RNF125: variants seen among roughly 807,000 people sequenced by gnomAD.
RNF125 encodes ring finger protein 125, also known as E3 ubiquitin-protein ligase RNF125.
RNF125 carries 21 observed loss-of-function variants against 26.0 expected under a neutral mutation model. The ratio of observed to expected loss-of-function variants is 0.81; its 90% CI spans 0.57 to 1.16. The LOEUF (loss-of-function observed/expected upper bound fraction) is 1.16, where lower values mean the gene tolerates loss of function less well. Ranked by LOEUF, RNF125 falls within the 50% of genes most tolerant of loss-of-function variation. RNF125 has a pLI of 0.00. For synonymous variants in RNF125, 95 were observed against 109.2 expected (o/e 0.87, Z 0.81); for missense variants, 270 against 299.4 (o/e 0.90, Z 0.72).
In RNF125 at chr18:32,018,968, C is replaced by T. The variant is rs917001579; in HGVS notation, c.105C>T (p.Phe35=). Residue 35 remains phenylalanine, a synonymous_variant, in exon 1 of 6, where the codon TTC becomes TTT. Transcript: ENST00000217740. The part of the protein sequence containing the change: ...RRDPELPVTS[F]DCAVCLEVLH... ...ACCCGGAGTTGCCCGTCACGTCCTTCGACTGCGCCGTGTGCCTTGAGGTGT... is the reference window on the plus strand; with the variant it reads ...ACCCGGAGTTGCCCGTCACGTCCTTTGACTGCGCCGTGTGCCTTGAGGTGT... 1 of 1,613,822 alleles carries T rather than the reference C, an allele frequency of 6.2e-7. No individual in the cohort carries two copies. The highest frequency in any genetic ancestry group is 8.5e-7 in the Non-Finnish European group (1 of 1,179,892).
At chr18:32,054,862 G>A (rs1470700933) in intron 4 of RNF125, among the ~76,000 whole-genome samples, 2 of 152,070 alleles carry the variant, frequency 1.3e-5, no homozygotes, top group Non-Finnish European at 2.9e-5. Context: ...CTTGCCCTAG[G>A]ATCCTTTATT....
downstream of RNF125, chr18:32,076,000 A>T: frequency 1.0e-6 from 1 of 993,028 alleles, no homozygotes; most frequent in Non-Finnish European, 1.6e-6. Context: ...GGATGGGAGC[A>T]GATTATTCTG....
chr18:32,075,280 A>G (rs1040918979), downstream of RNF125, among the ~76,000 whole-genome samples: 2 of 152,104 alleles, frequency 1.3e-5, no homozygotes, highest in Admixed American at 6.6e-5. Context: ...TTTCTTAGCC[A>G]GTTGTGGTGG....
intron 1 of RNF125, among the ~76,000 whole-genome samples, chr18:32,027,927 A>AG (rs1039952803): frequency 1.3e-5 from 2 of 151,958 alleles, no homozygotes; most frequent in Non-Finnish European, 2.9e-5. Context: ...AAGTTATAAG[A>AG]GGGAAAAAAA....
chr18:32,079,591 T>C, the RNF125 span, among the ~76,000 whole-genome samples: 1 of 152,240 alleles, frequency 6.6e-6, no homozygotes, highest in Non-Finnish European at 1.5e-5. Context: ...AACAGTGTCA[T>C]GCATCTCTGT....
chr18:32,045,243 A>G (rs2006768), intron 3 of RNF125, among the ~76,000 whole-genome samples: 54,694 of 151,950 alleles, frequency 0.36, 9,937 homozygotes, highest in South Asian at 0.43. Context: ...TCCACTGGGC[A>G]CTTGAAATGT....
chr18:32,069,496 A>C lies in RNF125; in HGVS notation c.*1112A>C. 1 of 152,142 alleles carries C rather than the reference A, an allele frequency of 6.6e-6. No individual in the cohort carries two copies. Among genetic ancestry groups the C allele is most frequent in the East Asian group, 1.9e-4 (1 of 5,204 alleles). 9.4% of individuals were successfully genotyped at this position (152,142 alleles called of 1,614,324 possible). Reference sequence around the variant, plus strand: ...GATTGTAACATTTTAAAAATTATGAAATAAAAGTACTGAAAACCAGACACA... The same window carrying C: ...GATTGTAACATTTTAAAAATTATGACATAAAAGTACTGAAAACCAGACACA... On this transcript the variant is annotated 3_prime_UTR_variant, in exon 6 of 6. Transcript: ENST00000217740.
At chr18:32,056,640 A>AT (rs2039386932) in intron 4 of RNF125, among the ~76,000 whole-genome samples, 1 of 143,400 alleles carries the variant, frequency 7.0e-6, no homozygotes, top group East Asian at 2.0e-4. Context: ...AAAAAAAAAA[A>AT]GACAATTATA....
At chr18:32,046,482 A>G (rs1275915563) in intron 4 of RNF125, among the ~76,000 whole-genome samples, 1 of 151,374 alleles carries the variant, frequency 6.6e-6, no homozygotes, top group Non-Finnish European at 1.5e-5. Flanking sequence ...CTGTAGTCCC[A>G]GCTACTCAGG....
intron 4 of RNF125, among the ~76,000 whole-genome samples, chr18:32,051,946 C>T (rs1364047233): frequency 6.6e-6 from 1 of 151,652 alleles, no homozygotes; most frequent in Non-Finnish European, 1.5e-5. Flanking sequence ...CCTCAGCCTC[C>T]CAGAGTGCTG....
At chr18:32,062,256 G>A (rs569530958) in intron 4 of RNF125, among the ~76,000 whole-genome samples, 2 of 152,282 alleles carry the variant, frequency 1.3e-5, no homozygotes, top group East Asian at 1.9e-4. Flanking sequence ...TGCGGAACAC[G>A]TAGTAGGGGC....
chr18:32,057,126 G>C (rs1444973230), intron 4 of RNF125, among the ~76,000 whole-genome samples: 3 of 152,068 alleles, frequency 2.0e-5, no homozygotes, highest in Non-Finnish European at 4.4e-5. Flanking sequence ...TCCCTTCTGT[G>C]TCTATTGCAG....
chr18:32,023,277 C>G (rs1175926602), intron 1 of RNF125, among the ~76,000 whole-genome samples: 2 of 152,168 alleles, frequency 1.3e-5, no homozygotes, highest in South Asian at 2.1e-4. Flanking sequence ...CTCAGCCACT[C>G]TAGTAGCTGG....
intron 3 of RNF125, among the ~76,000 whole-genome samples, chr18:32,044,105 C>G (rs535671800): frequency 1.3e-5 from 2 of 152,038 alleles, no homozygotes; most frequent in East Asian, 3.9e-4. Context: ...TGCCCGGGTT[C>G]AAGCGATTCT....
At chr18:32,065,880 C>A (rs200490423) in intron 4 of RNF125, 22 bp from the exon 5 acceptor site, 1 of 1,497,718 alleles carries the variant, frequency 6.7e-7, no homozygotes, top group Non-Finnish European at 9.3e-7. Flanking sequence ...TTTCTTGAAC[C>A]CCTGGTCTTG....
At chr18:32,034,667 T>C (rs1307305738) in intron 1 of RNF125, among the ~76,000 whole-genome samples, 3 of 151,716 alleles carry the variant, frequency 2.0e-5, no homozygotes, top group Non-Finnish European at 2.9e-5. Flanking sequence ...AATCCCAGCA[T>C]TTTGGGAGGC....
rs998988059 is a variant in RNF125 at position 32,070,388 on chromosome 18, G to C, written c.*2004G>C. On this transcript the variant is annotated 3_prime_UTR_variant, in exon 6 of 6. Coordinates refer to ENST00000217740, the MANE Select transcript of RNF125 (RefSeq NM_017831.4). The stretch of plus-strand genomic sequence containing the variant: ...GGGTTTCACCATAATAGCCAGGCTG[G>C]TCTCAAACTCCTTACCTTGTGATCC... The C allele has an allele frequency of 1.3e-5, 2 of 152,170 alleles. No individual in the cohort carries two copies. The highest frequency in any genetic ancestry group is 4.8e-5 in the African/African-American group (2 of 41,428). 9.4% of individuals were successfully genotyped at this position (152,170 alleles called of 1,614,324 possible). A position where few individuals can be genotyped will look rare whatever the true frequency, so the allele number is the denominator to read the frequency against.
intron 1 of RNF125, among the ~76,000 whole-genome samples, chr18:32,027,604 T>TAA (rs918792012): frequency 6.6e-6 from 1 of 151,094 alleles, no homozygotes; most frequent in Non-Finnish European, 1.5e-5. Context: ...CTGACTTGGT[T>TAA]AAAAAAAAAT....
In RNF125 at chr18:32,072,458, C is replaced by CT. The variant is rs1279471744; in HGVS notation, c.*4077dup. On this transcript the variant is annotated 3_prime_UTR_variant, in exon 6 of 6. Transcript: ENST00000217740. ...GTTAAAAATTGTATGTCGGATAAAG[C>CT]TTTAAGTCATCTGTCACTATTAACC... The CT allele has an allele frequency of 6.6e-6, 1 of 152,166 alleles. No homozygotes were observed. The highest frequency in any genetic ancestry group is 2.4e-5 in the African/African-American group (1 of 41,448). 9.4% of individuals were successfully genotyped at this position (152,166 alleles called of 1,614,324 possible).
Sources: gnomAD v4.1 joint callset for allele counts (sites outside exome capture counted in the v4.1 genomes callset) on GRCh38, gnomAD v4.1.1 for gene constraint, MANE v1.5 for transcripts, NCBI Gene and HGNC (gene_info 2026-07-23, HGNC 2026-07-21) for gene names.